DST: variants seen among roughly 807,000 people sequenced by gnomAD.
DST encodes bullous pemphigoid antigen.
In DST, 253 loss-of-function variants were observed where a neutral mutation model predicts 875.2. That is an observed-to-expected ratio of 0.29 (90% confidence interval 0.26 to 0.32). DST has a LOEUF of 0.32. DST is among the 10% of genes least tolerant of loss of function. DST has a pLI of 1.00. For synonymous variants in DST, 3,124 were observed against 3,197.1 expected (o/e 0.98, Z 0.77); for missense variants, 8,287 against 9,111.6 (o/e 0.91, Z 3.68).
At chr6:56,911,535 A>G (rs1315407076) in intron 2 of DST, among the ~76,000 whole-genome samples, 1 of 152,210 alleles carries the variant, frequency 6.6e-6, no homozygotes, top group Non-Finnish European at 1.5e-5. Context: ...GCATCTCGCT[A>G]CTGCAGGGAG....
intron 4 of DST, among the ~76,000 whole-genome samples, chr6:56,788,080 G>A (rs1203116220): frequency 8.1e-5 from 9 of 111,544 alleles, no homozygotes; most frequent in Non-Finnish European, 1.3e-4. Flanking sequence ...AGTGAGCCGA[G>A]ATCACGCCAT....
At chr6:56,470,814 A>G (rs894064939) in intron 95 of DST, among the ~76,000 whole-genome samples, 4 of 151,494 alleles carry the variant, frequency 2.6e-5, no homozygotes, top group Non-Finnish European at 5.9e-5. Flanking sequence ...ACACACACAC[A>G]CACACACACA....
intron 77 of DST, 88 bp downstream of exon 77, chr6:56,506,355 G>T: frequency 9.7e-7 from 1 of 1,028,516 alleles, no homozygotes; most frequent in Non-Finnish European, 1.4e-6. Context: ...TGCACTGGCA[G>T]ATCTTGAGGT....
chr6:56,642,656 T>A, intron 15 of DST, 153 bp from the exon 16 acceptor site: 8 of 1,614,184 alleles, frequency 5.0e-6, no homozygotes, highest in Non-Finnish European at 6.8e-6. Flanking sequence ...CCGAAGCTAA[T>A]GCAAGAGTTG....
At chr6:56,573,573 C>A in intron 51 of DST, 106 bp downstream of exon 51, 1 of 803,756 alleles carries the variant, frequency 1.2e-6, no homozygotes, top group Non-Finnish European at 2.0e-6. Context: ...CAGTAAATGT[C>A]TCTTTTTTGT....
At chr6:56,857,996 T>C (rs1591758577) in intron 3 of DST, among the ~76,000 whole-genome samples, 2 of 152,322 alleles carry the variant, frequency 1.3e-5, no homozygotes, top group African/African-American at 4.8e-5. Context: ...TTTCAAAACT[T>C]GTTGAACAAT....
At chr6:56,585,403 T>G (rs1267925703) in intron 49 of DST, among the ~76,000 whole-genome samples, 1 of 152,216 alleles carries the variant, frequency 6.6e-6, no homozygotes, top group African/African-American at 2.4e-5. Flanking sequence ...TAGTATTCTC[T>G]GATGGTAGTT....
intron 69 of DST, among the ~76,000 whole-genome samples, chr6:56,519,832 C>G (rs183930768): frequency 2.0e-3 from 297 of 152,220 alleles, no homozygotes; most frequent in Non-Finnish European, 3.5e-3. Flanking sequence ...CTCATAAGAT[C>G]ATATAAGAGC....
chr6:56,888,198 T>G (rs939194949), intron 3 of DST, among the ~76,000 whole-genome samples: 2 of 152,118 alleles, frequency 1.3e-5, no homozygotes, highest in African/African-American at 4.8e-5. Flanking sequence ...TCCGCCCGCC[T>G]CAGCCTCCCA....
At chr6:56,478,972 G>A (rs555861197) in intron 90 of DST, among the ~76,000 whole-genome samples, 1 of 152,134 alleles carries the variant, frequency 6.6e-6, no homozygotes, top group Admixed American at 6.5e-5. Flanking sequence ...AATCAACAGA[G>A]TAAACAGTTA....
At chr6:56,854,626 G>C (rs749258671) in intron 3 of DST, among the ~76,000 whole-genome samples, 4 of 152,190 alleles carry the variant, frequency 2.6e-5, no homozygotes, top group Non-Finnish European at 5.9e-5. Flanking sequence ...ATCTTTGGGT[G>C]ATGACTAAGA....
At chr6:56,644,152 C>G (rs185711864) in intron 15 of DST, among the ~76,000 whole-genome samples, 17 of 152,256 alleles carry the variant, frequency 1.1e-4, no homozygotes, top group Admixed American at 1.0e-3. Flanking sequence ...GTTCTGATGA[C>G]TAAAAATCTA....
intron 37 of DST, among the ~76,000 whole-genome samples, chr6:56,613,607 A>G (rs2098572841): frequency 6.7e-6 from 1 of 149,240 alleles, no homozygotes; most frequent in African/African-American, 2.5e-5. Context: ...AACGCTTCTT[A>G]TCTTAGCGGA....
In DST at chr6:56,938,108, C is replaced by CTCTCTATATATA. The variant is rs1383243392; in HGVS notation, c.216+15676_216+15677insTATATATAGAGA. Among the ~76,000 whole-genome samples the CTCTCTATATATA allele has an allele frequency of 1.1e-3, 129 of 120,748 alleles. 1 individual carries two copies. The highest frequency in any genetic ancestry group is 4.4e-3 in the African/African-American group (126 of 28,614). The allele number at this position is 120,748 out of a possible 152,430, so 79.2% of individuals were successfully genotyped here. On this transcript the variant is annotated intron_variant, in intron 2 of 103. Coordinates refer to ENST00000680361, the MANE Select transcript of DST (RefSeq NM_001374736.1). Reference sequence around the variant, plus strand: ...TCTCTCTCTCTCTCTCTCTCTCTCTCTATATATATATATATATATATATGT... The same window carrying CTCTCTATATATA: ...TCTCTCTCTCTCTCTCTCTCTCTCTCTCTCTATATATATATATATATATATATATATATATGT...
chr6:56,614,355 C>A lies in DST; in HGVS notation c.5058+1G>T. ...TATTAAACCAGGACTTCTGTGAATACCTTTTGCTTAGAGAAGGGAGGTTTT... is the reference window on the plus strand; with the variant it reads ...TATTAAACCAGGACTTCTGTGAATAACTTTTGCTTAGAGAAGGGAGGTTTT... On this transcript the variant is annotated splice_donor_variant, in intron 37 of 103. Coordinates refer to ENST00000680361, the MANE Select transcript of DST (RefSeq NM_001374736.1). LOFTEE classifies it high-confidence loss of function. 6.2e-7 allele frequency: 1 copy of A among 1,601,768 alleles called. No individual in the cohort carries two copies.
chr6:56,787,995 C>T (rs2099708501), intron 4 of DST, among the ~76,000 whole-genome samples: 1 of 151,296 alleles, frequency 6.6e-6, no homozygotes, highest in Non-Finnish European at 1.5e-5. Context: ...TGGCGGGCAC[C>T]TGTAATCCCA....
At chr6:56,653,792 A>C (rs1321671697) in intron 10 of DST, among the ~76,000 whole-genome samples, 1 of 152,184 alleles carries the variant, frequency 6.6e-6, no homozygotes, top group African/African-American at 2.4e-5. Context: ...TTTGTCTTTC[A>C]AATCTGTCTT....
intron 69 of DST, among the ~76,000 whole-genome samples, chr6:56,519,183 C>T (rs1562518033): frequency 6.6e-6 from 1 of 152,154 alleles, no homozygotes; most frequent in Non-Finnish European, 1.5e-5. Flanking sequence ...CTAGCAACCA[C>T]ACAACACTAA....
In DST at chr6:56,642,129, T is replaced by C. The variant is rs1194741734; in HGVS notation, c.1873-28A>G. The C allele has an allele frequency of 1.8e-5, 29 of 1,573,748 alleles. No homozygotes were observed. In the East Asian group the frequency reaches 6.3e-4, roughly 34 times the overall value. ...GTATTTTAAAAGAACTCAGTATTAA[T>C]TCTGTGAAACAAGTTTCAAAACAAC... On this transcript the variant is annotated intron_variant, in intron 16 of 103. Transcript: ENST00000680361.
Sources: gnomAD v4.1 joint callset for allele counts (sites outside exome capture counted in the v4.1 genomes callset) on GRCh38, gnomAD v4.1.1 for gene constraint, MANE v1.5 for transcripts, NCBI Gene and HGNC (gene_info 2026-07-23, HGNC 2026-07-21) for gene names.